TNFSF4: variants seen among roughly 807,000 people sequenced by gnomAD.
TNFSF4 encodes tumor necrosis factor ligand superfamily member 4.
TNFSF4 carries 4 observed loss-of-function variants against 7.3 expected under a neutral mutation model. The ratio of observed to expected loss-of-function variants is 0.55; its 90% CI spans 0.27 to 1.25. The LOEUF (loss-of-function observed/expected upper bound fraction) is 1.25. TNFSF4 is among the 50% of genes most tolerant of loss of function. TNFSF4 has a pLI of 0.12. For missense variants in TNFSF4, 181 were observed against 208.8 expected, an observed-to-expected ratio of 0.87 and a Z score of 0.82; for synonymous variants, 76 against 83.7, an observed-to-expected ratio of 0.91 and a Z score of 0.50.
chr1:173,327,305 G>C, the TNFSF4 span, among the ~76,000 whole-genome samples: 12 of 152,266 alleles, frequency 7.9e-5, no homozygotes, highest in East Asian at 2.3e-3. Context: ...GGGAAAACTG[G>C]AAAGCTGAAA....
the TNFSF4 span, among the ~76,000 whole-genome samples, chr1:173,430,254 C>G: frequency 6.6e-6 from 1 of 152,250 alleles, no homozygotes; most frequent in African/African-American, 2.4e-5. Flanking sequence ...GCAGCTAACA[C>G]ACACAAATAA....
the TNFSF4 span, among the ~76,000 whole-genome samples, chr1:173,335,749 A>G: frequency 4.1e-3 from 624 of 152,332 alleles, 5 homozygotes; most frequent in African/African-American, 0.013. Context: ...CCTTCAATTA[A>G]GAAGAGGCAG....
At chr1:173,314,273 C>T in the TNFSF4 span, among the ~76,000 whole-genome samples, 2 of 152,172 alleles carry the variant, frequency 1.3e-5, no homozygotes, top group East Asian at 1.9e-4. Context: ...CAATTGTATA[C>T]ATTTTGTTGT....
At chr1:173,275,441 A>C in the TNFSF4 span, among the ~76,000 whole-genome samples, 26 of 152,192 alleles carry the variant, frequency 1.7e-4, no homozygotes, top group Non-Finnish European at 3.4e-4. Flanking sequence ...CCTGGAAAAG[A>C]TAGTCTGGAA....
At chr1:173,360,003 A>G in the TNFSF4 span, among the ~76,000 whole-genome samples, 1 of 152,232 alleles carries the variant, frequency 6.6e-6, no homozygotes, top group South Asian at 2.1e-4. Flanking sequence ...AGATTATATG[A>G]CCATAGGGTC....
At chr1:173,400,576 C>T in the TNFSF4 span, among the ~76,000 whole-genome samples, 10 of 152,172 alleles carry the variant, frequency 6.6e-5, no homozygotes, top group Admixed American at 6.5e-4. Context: ...GCCACCTGGC[C>T]ACTTTGGGCT....
chr1:173,441,204 C>A, the TNFSF4 span, among the ~76,000 whole-genome samples: 11 of 152,150 alleles, frequency 7.2e-5, no homozygotes, highest in Non-Finnish European at 1.0e-4. Flanking sequence ...CCTATCCACC[C>A]TCTCCAAACT....
chr1:173,226,786 G>A, the TNFSF4 span, among the ~76,000 whole-genome samples: 7 of 152,094 alleles, frequency 4.6e-5, no homozygotes, highest in Non-Finnish European at 8.8e-5. Context: ...AAAGCTTTAA[G>A]TGCAATTTAA....
At chr1:173,343,548 C>T in the TNFSF4 span, among the ~76,000 whole-genome samples, 3 of 152,168 alleles carry the variant, frequency 2.0e-5, no homozygotes, top group Non-Finnish European at 4.4e-5. Context: ...TCCCCTTTGC[C>T]TTCCTAACTC....
At chr1:173,390,737 C>CTTTTTTTTTTTTT in the TNFSF4 span, among the ~76,000 whole-genome samples, 2 of 131,602 alleles carry the variant, frequency 1.5e-5, no homozygotes, top group Non-Finnish European at 3.1e-5. Flanking sequence ...CATTCTGCTT[C>CTTTTTTTTTTTTT]TTTTTTTTTT....
the TNFSF4 span, among the ~76,000 whole-genome samples, chr1:173,447,971 T>G: frequency 3.1e-3 from 475 of 151,982 alleles, no homozygotes; most frequent in Non-Finnish European, 4.4e-3. Context: ...AAAGAAAAAA[T>G]GTAGTGGCTA....
the TNFSF4 span, among the ~76,000 whole-genome samples, chr1:173,433,284 C>G: frequency 6.6e-6 from 1 of 152,184 alleles, no homozygotes; most frequent in Admixed American, 6.5e-5. Context: ...ACACAGTGTG[C>G]TCTTAATCTG....
downstream of TNFSF4, among the ~76,000 whole-genome samples, chr1:173,179,387 A>G (rs1649011862): frequency 6.6e-6 from 1 of 152,042 alleles, no homozygotes; most frequent in Non-Finnish European, 1.5e-5. Context: ...TCTAAATCTC[A>G]TGCGAACTTT....
the TNFSF4 span, among the ~76,000 whole-genome samples, chr1:173,426,965 G>T: frequency 6.6e-6 from 1 of 152,106 alleles, no homozygotes; most frequent in Non-Finnish European, 1.5e-5. Flanking sequence ...TATACTGTAG[G>T]CTCTGAAGAC....
At chr1:173,311,912 G>C in the TNFSF4 span, among the ~76,000 whole-genome samples, 1 of 152,030 alleles carries the variant, frequency 6.6e-6, no homozygotes, top group African/African-American at 2.4e-5. Flanking sequence ...TCTTTTTGGT[G>C]GTTACTTTAG....
chr1:173,285,826 G>A, the TNFSF4 span, among the ~76,000 whole-genome samples: 3 of 152,082 alleles, frequency 2.0e-5, no homozygotes, highest in Non-Finnish European at 4.4e-5. Flanking sequence ...TATGCACTGG[G>A]AAACCAGAAA....
the TNFSF4 span, among the ~76,000 whole-genome samples, chr1:173,285,979 C>T: frequency 0.21 from 32,115 of 152,002 alleles, 3,750 homozygotes; most frequent in Admixed American, 0.32. Flanking sequence ...GTTTGCTGAC[C>T]GCTGACCAAT....
intron 1 of TNFSF4, among the ~76,000 whole-genome samples, chr1:173,190,513 G>A (rs992306379): frequency 6.6e-6 from 1 of 152,194 alleles, no homozygotes; most frequent in African/African-American, 2.4e-5. Flanking sequence ...TGGGCTGCAG[G>A]AACAATATGA....
chr1:173,395,010 AGATAGATAGATAGATAGATAGATAGAT>A, the TNFSF4 span, among the ~76,000 whole-genome samples: 6 of 127,618 alleles, frequency 4.7e-5, no homozygotes, highest in African/African-American at 1.1e-4. Context: ...ATAGATAGAT[AGATAGATAGATAGATAGATAGATAGAT>A]GATAGATAGA....
Sources: gnomAD v4.1 joint callset for allele counts (sites outside exome capture counted in the v4.1 genomes callset) on GRCh38, gnomAD v4.1.1 for gene constraint, MANE v1.5 for transcripts, NCBI Gene and HGNC (gene_info 2026-07-23, HGNC 2026-07-21) for gene names.